Variants in ST6GALNAC3 observed in about 807,000 individuals in gnomAD.
ST6GALNAC3 encodes the protein alpha-N-acetylgalactosaminide alpha-2,6-sialyltransferase 3.
In ST6GALNAC3, 25 loss-of-function variants were observed where a neutral mutation model predicts 32.7. The observed-to-expected ratio is 0.76, with a 90% CI of 0.56 to 1.07. The LOEUF is 1.07. ST6GALNAC3 is among the 50% of genes least tolerant of loss of function. The pLI is 0.00. For synonymous variants in ST6GALNAC3, 129 were observed against 133.1 expected, an observed-to-expected ratio of 0.97 and a Z score of 0.21; for missense variants, 355 against 382.4, an observed-to-expected ratio of 0.93 and a Z score of 0.60.
chr1:76,239,951 C>T (rs1173620887), intron 1 of ST6GALNAC3, among the ~76,000 whole-genome samples: 2 of 152,210 alleles, frequency 1.3e-5, no homozygotes, highest in Non-Finnish European at 2.9e-5. Flanking sequence ...ACCTCCCAGG[C>T]ACAATGCTTT....
intron 1 of ST6GALNAC3, among the ~76,000 whole-genome samples, chr1:76,226,788 C>T (rs1056480749): frequency 3.3e-5 from 5 of 152,106 alleles, no homozygotes; most frequent in African/African-American, 1.2e-4. Flanking sequence ...TGGTACTAAA[C>T]TATTCAGGGA....
intron 3 of ST6GALNAC3, among the ~76,000 whole-genome samples, chr1:76,477,207 A>C (rs1659408653): frequency 7.3e-6 from 1 of 137,408 alleles, no homozygotes; most frequent in Non-Finnish European, 1.5e-5. Flanking sequence ...ACTAGATCAC[A>C]TTCTTATCTT....
At chr1:76,460,722 ACAG>A (rs1216471265) in intron 3 of ST6GALNAC3, among the ~76,000 whole-genome samples, 1 of 152,200 alleles carries the variant, frequency 6.6e-6, no homozygotes, top group African/African-American at 2.4e-5. Context: ...ATAACCCAAA[ACAG>A]CAGCCTGTTA....
chr1:76,600,018 C>T (rs1354504686), intron 3 of ST6GALNAC3, among the ~76,000 whole-genome samples: 1 of 152,112 alleles, frequency 6.6e-6, no homozygotes, highest in Non-Finnish European at 1.5e-5. Flanking sequence ...TTTGTGTACC[C>T]TTAACATTCT....
Position 76,379,734 on chromosome 1 carries a change from T to C in ST6GALNAC3, c.214-32274T>C, listed in dbSNP as rs539103240. Among the ~76,000 whole-genome samples the C allele has an allele frequency of 1.6e-4, 24 of 152,278 alleles. No homozygotes were observed. In the East Asian group the frequency reaches 4.6e-3, roughly 29 times the overall value. ...TGAGAGTGGCCTCCTGTGGGTCCTT[T>C]CTCTCCTAGCCCATCTGCGAAAATC... On this transcript the variant is annotated intron_variant, in intron 2 of 4. Transcript: ENST00000328299.
At position 76,210,213 on chromosome 1, in the gene ST6GALNAC3, T is replaced by G. The variant is rs934048676; in HGVS notation, c.19-103592T>G. 2.0e-5 allele frequency among the ~76,000 whole-genome samples: 3 copies of G among 152,228 alleles called. No individual in the cohort carries two copies. The South Asian group carries it at 6.2e-4, about 32-fold the overall frequency. Reference sequence around the variant, plus strand: ...CCCCACATGCATTAGCTAATTGTCCTGATTAGAGCTGCATTTTCTAGAAGT... The same window carrying G: ...CCCCACATGCATTAGCTAATTGTCCGGATTAGAGCTGCATTTTCTAGAAGT... On this transcript the variant is annotated intron_variant, in intron 1 of 4. Transcript: ENST00000328299.
At chr1:76,287,664 C>T (rs1659860131) in intron 1 of ST6GALNAC3, among the ~76,000 whole-genome samples, 1 of 152,110 alleles carries the variant, frequency 6.6e-6, no homozygotes, top group African/African-American at 2.4e-5. Flanking sequence ...TAAAAGCCAG[C>T]CTGCTTTATG....
At chr1:76,371,484 T>G (rs1204045809) in intron 2 of ST6GALNAC3, among the ~76,000 whole-genome samples, 1 of 151,920 alleles carries the variant, frequency 6.6e-6, no homozygotes, top group African/African-American at 2.4e-5. Context: ...AAGTGGAAAA[T>G]GCAGGATATG....
At chr1:76,461,556 G>A (rs903948222) in intron 3 of ST6GALNAC3, among the ~76,000 whole-genome samples, 10 of 152,182 alleles carry the variant, frequency 6.6e-5, no homozygotes, top group Non-Finnish European at 1.5e-4. Context: ...ACTTTGGGCT[G>A]AAGTTTCTGT....
intron 1 of ST6GALNAC3, among the ~76,000 whole-genome samples, chr1:76,083,231 G>A (rs1051746364): frequency 6.6e-5 from 10 of 152,256 alleles, no homozygotes; most frequent in Non-Finnish European, 1.5e-4. Context: ...ACTCATCTTA[G>A]ATTTTGAGAA....
At chr1:76,409,385 A>G (rs1344001518) in intron 2 of ST6GALNAC3, among the ~76,000 whole-genome samples, 1 of 152,140 alleles carries the variant, frequency 6.6e-6, no homozygotes, top group East Asian at 1.9e-4. Flanking sequence ...TTGACATTTC[A>G]AATAAACACA....
intron 1 of ST6GALNAC3, among the ~76,000 whole-genome samples, chr1:76,214,407 A>ATTT (rs375215131): frequency 6.6e-6 from 1 of 150,978 alleles, no homozygotes; most frequent in Non-Finnish European, 1.5e-5. Flanking sequence ...TTGAAAAAAA[A>ATTT]TTTTTTTTTT....
At chr1:76,489,903 C>G (rs1431125142) in intron 3 of ST6GALNAC3, among the ~76,000 whole-genome samples, 1 of 152,158 alleles carries the variant, frequency 6.6e-6, no homozygotes, top group Admixed American at 6.5e-5. Flanking sequence ...CTTCAGAGAT[C>G]CCCCGACAGG....
chr1:76,478,976 G>C (rs1017683277), intron 3 of ST6GALNAC3, among the ~76,000 whole-genome samples: 6 of 151,888 alleles, frequency 4.0e-5, no homozygotes, highest in African/African-American at 1.4e-4. Context: ...TGTTAGACAG[G>C]ATGGTCTCGA....
chr1:76,342,415 A>G, intron 2 of ST6GALNAC3, among the ~76,000 whole-genome samples: 1 of 151,988 alleles, frequency 6.6e-6, no homozygotes, highest in South Asian at 2.1e-4. Flanking sequence ...ACGGCATGAG[A>G]TGGTATCTCA....
chr1:76,566,143 G>A (rs190056549), intron 3 of ST6GALNAC3, among the ~76,000 whole-genome samples: 10 of 152,298 alleles, frequency 6.6e-5, no homozygotes, highest in Non-Finnish European at 1.3e-4. Flanking sequence ...AGCACAGACG[G>A]ACATCAACCA....
intron 1 of ST6GALNAC3, among the ~76,000 whole-genome samples, chr1:76,126,307 C>T (rs1363776171): frequency 1.3e-5 from 2 of 152,228 alleles, no homozygotes; most frequent in South Asian, 2.1e-4. Context: ...TAACCTTAGG[C>T]CCCTGTTTCA....
chr1:76,233,362 T>C (rs1220401653), intron 1 of ST6GALNAC3, among the ~76,000 whole-genome samples: 1 of 152,178 alleles, frequency 6.6e-6, no homozygotes, highest in Non-Finnish European at 1.5e-5. Flanking sequence ...CTTTACAAGT[T>C]TCAGTTGAGA....
chr1:76,112,136 C>T (rs1289219706), intron 1 of ST6GALNAC3, among the ~76,000 whole-genome samples: 3 of 133,112 alleles, frequency 2.3e-5, no homozygotes, highest in African/African-American at 5.8e-5. Flanking sequence ...CCACCTCCCT[C>T]CCGGACAGGG....
Sources: allele counts gnomAD v4.1 joint callset (sites outside exome capture counted in the v4.1 genomes callset), GRCh38; gene constraint gnomAD v4.1.1; transcripts MANE v1.5; gene names NCBI Gene and HGNC (gene_info 2026-07-23, HGNC 2026-07-21).